The following SORBS2 variants were observed in gnomAD, a reference collection of about 807,000 sequenced individuals.
SORBS2 encodes sorbin and SH3 domain containing 2.
SORBS2 carries 46 observed loss-of-function variants against 97.7 expected under a neutral mutation model. The observed-to-expected ratio is 0.47, with a 90% CI of 0.37 to 0.60. The LOEUF (loss-of-function observed/expected upper bound fraction) is 0.60, where lower values mean the gene tolerates loss of function less well. SORBS2 is among the 20% of genes least tolerant of loss of function. The pLI is 0.00. For missense variants in SORBS2, 1,316 were observed against 1,282.3 expected (o/e 1.03, Z -0.40); for synonymous variants, 476 against 473.4 (o/e 1.01, Z -0.07).
chr4:185,872,005 T>A (rs1222437688), intron 1 of SORBS2, among the ~76,000 whole-genome samples: 1 of 152,270 alleles, frequency 6.6e-6, no homozygotes, highest in Non-Finnish European at 1.5e-5. Context: ...CATTTACTTT[T>A]AAACATTTAT....
intron 1 of SORBS2, among the ~76,000 whole-genome samples, chr4:185,849,901 A>G (rs542568574): frequency 2.6e-4 from 40 of 152,346 alleles, no homozygotes; most frequent in African/African-American, 9.1e-4. Context: ...GAAGATAAGC[A>G]TATGGTTGTT....
chr4:185,664,090 G>A (rs2097563246), intron 4 of SORBS2, among the ~76,000 whole-genome samples: 1 of 151,794 alleles, frequency 6.6e-6, no homozygotes, highest in Non-Finnish European at 1.5e-5. Flanking sequence ...TCCTGACCTC[G>A]TGATCCACCC....
intron 1 of SORBS2, among the ~76,000 whole-genome samples, chr4:185,827,250 C>A (rs1418572909): frequency 8.6e-6 from 1 of 116,290 alleles, no homozygotes; most frequent in Non-Finnish European, 1.9e-5. Flanking sequence ...TCACCACCAT[C>A]ATCATCACCA....
At chr4:185,680,454 C>T (rs890658496) in intron 2 of SORBS2, among the ~76,000 whole-genome samples, 4 of 152,164 alleles carry the variant, frequency 2.6e-5, no homozygotes, top group African/African-American at 7.2e-5. Context: ...GATTTAATAA[C>T]CATGAGGCTG....
intron 1 of SORBS2, among the ~76,000 whole-genome samples, chr4:185,893,464 C>T (rs891731627): frequency 2.0e-5 from 3 of 152,152 alleles, no homozygotes; most frequent in Non-Finnish European, 4.4e-5. Context: ...AGACCCGGGC[C>T]CTTCAGCACC....
At chr4:185,629,336 G>A (rs562142348) in intron 5 of SORBS2, among the ~76,000 whole-genome samples, 2 of 152,142 alleles carry the variant, frequency 1.3e-5, no homozygotes, top group African/African-American at 4.8e-5. Flanking sequence ...AGAGGCAGAA[G>A]ATAAAAAGGA....
intron 1 of SORBS2, among the ~76,000 whole-genome samples, chr4:185,819,711 G>A (rs2153670181): frequency 6.6e-6 from 1 of 152,274 alleles, no homozygotes; most frequent in South Asian, 2.1e-4. Flanking sequence ...GACTCGGTGG[G>A]TTGCGGAAGC....
At chr4:185,745,455 T>C (rs1385787044) in intron 2 of SORBS2, among the ~76,000 whole-genome samples, 3 of 152,200 alleles carry the variant, frequency 2.0e-5, no homozygotes, top group African/African-American at 7.2e-5. Context: ...TCCAGACTTA[T>C]GCTCAGGTAG....
At chr4:185,730,315 T>C (rs1419237928) in intron 2 of SORBS2, among the ~76,000 whole-genome samples, 4 of 150,026 alleles carry the variant, frequency 2.7e-5, no homozygotes, top group African/African-American at 7.3e-5. Context: ...ACTTTCTTTT[T>C]TTTTTTTTTT....
intron 1 of SORBS2, among the ~76,000 whole-genome samples, chr4:185,827,256 C>A: frequency 8.0e-6 from 1 of 125,056 alleles, no homozygotes; most frequent in East Asian, 2.5e-4. Context: ...CCATCATCAT[C>A]ACCATCATCA....
chr4:185,868,713 T>C (rs1025645449), intron 1 of SORBS2, among the ~76,000 whole-genome samples: 32 of 152,080 alleles, frequency 2.1e-4, no homozygotes, highest in African/African-American at 7.7e-4. Context: ...AAGCTAAAGG[T>C]GTTCGGCAAA....
intron 2 of SORBS2, 137 bp from the exon 11 acceptor site, chr4:185,651,965 C>CT (rs1390880849): frequency 1.8e-5 from 11 of 603,092 alleles, no homozygotes; most frequent in African/African-American, 1.5e-4. Flanking sequence ...CATTTTCTTT[C>CT]TTTTTTTCTT....
At chr4:185,767,580 C>G (rs1048661418) in intron 2 of SORBS2, among the ~76,000 whole-genome samples, 11 of 151,234 alleles carry the variant, frequency 7.3e-5, no homozygotes, top group Admixed American at 2.0e-4. Context: ...CCTTTCATCT[C>G]TGATAATACT....
At chr4:185,797,981 G>A (rs2099113542) in intron 1 of SORBS2, among the ~76,000 whole-genome samples, 4 of 152,144 alleles carry the variant, frequency 2.6e-5, no homozygotes, top group South Asian at 2.1e-4. Flanking sequence ...GTGATGCTGC[G>A]GGATTATCAG....
In SORBS2 at chr4:185,606,708, T is replaced by C. The variant is rs1376327843; in HGVS notation, c.2796+5072A>G. 2.0e-6 allele frequency: 2 copies of C among 985,078 alleles called. No homozygotes were observed. The highest frequency in any genetic ancestry group is 6.2e-5 in the Admixed American group (1 of 16,218). The allele number at this position is 985,078 out of a possible 1,614,324, so 61.0% of individuals were successfully genotyped here. On this transcript the variant is annotated intron_variant, in intron 12 of 14. Transcript: ENST00000418609. This position sits in a 1 kb window ranked among gnomAD's most constrained non-coding sequence, Gnocchi z 4.3. ...CCTCCTCCTCTTCAATGTGCAGGTG[T>C]GGGGTGCCCTCTGACCCATCGTGGC...
At chr4:185,854,208 G>T (rs765836906) in intron 1 of SORBS2, among the ~76,000 whole-genome samples, 1 of 152,108 alleles carries the variant, frequency 6.6e-6, no homozygotes, top group African/African-American at 2.4e-5. Context: ...GACATTCTAG[G>T]CAGGGACAAA....
At chr4:185,894,904 G>A (rs1478231273) in intron 1 of SORBS2, among the ~76,000 whole-genome samples, 1 of 152,180 alleles carries the variant, frequency 6.6e-6, no homozygotes, top group Non-Finnish European at 1.5e-5. Flanking sequence ...GACAGGAGGG[G>A]CATGATCACA....
intron 1 of SORBS2, among the ~76,000 whole-genome samples, chr4:185,883,584 A>G (rs1206298951): frequency 6.6e-6 from 1 of 152,250 alleles, no homozygotes; most frequent in African/African-American, 2.4e-5. Flanking sequence ...TTTATTTATA[A>G]TAGCTGAAAC....
At chr4:185,743,849 C>T (rs2098742423) in intron 2 of SORBS2, among the ~76,000 whole-genome samples, 2 of 149,670 alleles carry the variant, frequency 1.3e-5, no homozygotes, top group South Asian at 2.1e-4. Context: ...CCTCCTCCTC[C>T]TTCTATTTTC....
Sources: gnomAD v4.1 joint callset for allele counts (sites outside exome capture counted in the v4.1 genomes callset) on GRCh38, gnomAD v4.1.1 for gene constraint, Gnocchi (gnomAD v3.1) non-coding constraint, MANE v1.5 for transcripts, NCBI Gene and HGNC (gene_info 2026-07-23, HGNC 2026-07-21) for gene names.